Variants in MTMR8 observed in about 807,000 individuals in gnomAD.
MTMR8 encodes the protein phosphatidylinositol-3,5-bisphosphate 3-phosphatase MTMR8.
Under a neutral mutation model 39.3 loss-of-function variants are expected in MTMR8, and 65 were observed. The ratio of observed to expected loss-of-function variants is 1.65; its 90% CI spans 1.35 to 2.03. The LOEUF (loss-of-function observed/expected upper bound fraction) is 2.03. MTMR8 is among the 30% of genes most tolerant of loss of function. The pLI is 0.00. For missense variants in MTMR8, 777 were observed against 538.9 expected (o/e 1.44, Z -4.37); for synonymous variants, 245 against 185.2 (o/e 1.32, Z -2.62).
At chrX:64,329,652 C>T (rs1390500968) in intron 11 of MTMR8, among the ~76,000 whole-genome samples, 1 of 111,006 alleles carries the variant, frequency 9.0e-6, no homozygotes, top group Non-Finnish European at 1.9e-5. Flanking sequence ...AGGTCATTTG[C>T]ACACACACCA....
intron 4 of MTMR8, among the ~76,000 whole-genome samples, chrX:64,352,201 T>A (rs1213211785): frequency 9.0e-6 from 1 of 111,312 alleles, no homozygotes; most frequent in African/African-American, 3.3e-5. Context: ...ATGAGCATCC[T>A]GGCAGACAAC....
At chrX:64,393,238 C>A (rs1924737938) in intron 1 of MTMR8, among the ~76,000 whole-genome samples, 1 of 111,797 alleles carries the variant, frequency 8.9e-6, no homozygotes, top group Admixed American at 9.5e-5. Context: ...TCATCTGTAA[C>A]ATGGGAATAA....
chrX:64,307,788 G>A (rs1414290963), intron 12 of MTMR8, among the ~76,000 whole-genome samples: 1 of 112,190 alleles, frequency 8.9e-6, no homozygotes, highest in Non-Finnish European at 1.9e-5. Context: ...AATTTGGGAA[G>A]GGCTGACATT....
At chrX:64,352,500 C>A (rs1923511224) in intron 4 of MTMR8, among the ~76,000 whole-genome samples, 1 of 111,496 alleles carries the variant, frequency 9.0e-6, no homozygotes, top group South Asian at 3.8e-4. Context: ...AGAGCTCTTT[C>A]TTGAGATCCA....
At chrX:64,276,329 G>A (rs1602102126) in intron 12 of MTMR8, among the ~76,000 whole-genome samples, 2 of 110,879 alleles carry the variant, frequency 1.8e-5, no homozygotes, top group East Asian at 5.8e-4. Flanking sequence ...TCTAGTTCTA[G>A]ATCTAGATTC....
chrX:64,359,477 A>T lies in MTMR8; in HGVS notation c.75T>A (p.Asn25Lys). 8.3e-7 allele frequency: 1 copy of T among 1,208,110 alleles called. No individual in the cohort carries two copies. Among genetic ancestry groups the T allele is most frequent in the Non-Finnish European group, 1.1e-6 (1 of 893,035 alleles). The change falls in exon 2 of 14, where the codon AAT (asparagine) becomes AAA (lysine). Residue 25 changes from asparagine (N) to lysine (K), a missense_variant. Coordinates refer to ENST00000374852, the MANE Select transcript of MTMR8 (RefSeq NM_017677.4). ...GGGTTGCAGTAAGATAAAGAATCCC[A>T]TTAGCTGGTTTCTTACTCACATAAC... ...VDRYVSKKPA[N>K]GILYLTATHL...
At chrX:64,394,363 T>C (rs1924768265) in intron 1 of MTMR8, among the ~76,000 whole-genome samples, 1 of 111,892 alleles carries the variant, frequency 8.9e-6, no homozygotes, top group Admixed American at 9.5e-5. Context: ...AAATAATTTG[T>C]CCAAAGTCAT....
chrX:64,278,658 G>A (rs913973930), intron 12 of MTMR8, among the ~76,000 whole-genome samples: 1 of 108,444 alleles, frequency 9.2e-6, no homozygotes, highest in African/African-American at 3.4e-5. Flanking sequence ...TATTTTAGTA[G>A]AGACGGGGTT....
intron 1 of MTMR8, among the ~76,000 whole-genome samples, chrX:64,367,382 T>C (rs1923998728): frequency 8.9e-6 from 1 of 111,851 alleles, no homozygotes; most frequent in South Asian, 3.7e-4. Context: ...CAAACCGTAT[T>C]CAGCAGCACA....
intron 10 of MTMR8, among the ~76,000 whole-genome samples, chrX:64,332,522 T>G (rs1894134676): frequency 8.9e-6 from 1 of 112,066 alleles, no homozygotes; most frequent in African/African-American, 3.2e-5. Flanking sequence ...GGGTTTAGCT[T>G]TCTCCTTGCA....
chrX:64,288,038 A>AAAAAAAAAAAAAAAAAAAAAAAC (rs1569210594), intron 12 of MTMR8, among the ~76,000 whole-genome samples: 2 of 80,854 alleles, frequency 2.5e-5, no homozygotes, highest in Non-Finnish European at 4.8e-5. Context: ...AAAAAAAAAA[A>AAAAAAAAAAAAAAAAAAAAAAAC]AAAAAAAAAA....
intron 1 of MTMR8, among the ~76,000 whole-genome samples, chrX:64,390,102 T>C (rs1214803996): frequency 2.7e-5 from 3 of 111,659 alleles, no homozygotes; most frequent in African/African-American, 9.8e-5. Context: ...AGGTTGTTTA[T>C]AATAAAAGAC....
Position 64,349,959 on chromosome X carries a change from G to A in MTMR8, c.580C>T (p.Leu194Phe). Residue 194 changes from leucine to phenylalanine, a missense_variant, in exon 5 of 14, where the codon CTC becomes TTC. Physicochemically the swap from Leu to Phe is conservative, Grantham distance 22. Transcript: ENST00000374852. ...SKERVPVLSY[L>F]YKENNAAICR... ...TAACTTACATTGTTCTCTTTGTAGA[G>A]GTAGGAGAGCACAGGGACACGTTCT... 1.7e-6 allele frequency: 2 copies of A among 1,185,591 alleles called. No individual in the cohort carries two copies. Among genetic ancestry groups the A allele is most frequent in the Non-Finnish European group, 2.3e-6 (2 of 881,744 alleles).
intron 12 of MTMR8, among the ~76,000 whole-genome samples, chrX:64,294,064 A>G (rs1921486734): frequency 8.9e-6 from 1 of 111,971 alleles, no homozygotes; most frequent in African/African-American, 3.2e-5. Flanking sequence ...ATCATAGCTT[A>G]TTTAAATAAC....
intron 1 of MTMR8, among the ~76,000 whole-genome samples, 157 bp downstream of exon 1, chrX:64,395,183 T>C (rs779959768): frequency 2.2e-4 from 24 of 110,469 alleles, no homozygotes; most frequent in Non-Finnish European, 4.2e-4. Flanking sequence ...AGGTGTTTGG[T>C]TGAAAGGGGG....
chrX:64,273,063 G>T (rs1416946730), intron 12 of MTMR8, among the ~76,000 whole-genome samples: 1 of 111,066 alleles, frequency 9.0e-6, no homozygotes, highest in Admixed American at 9.6e-5. Flanking sequence ...AGATTGAAAG[G>T]GAAATGAAAA....
intron 12 of MTMR8, among the ~76,000 whole-genome samples, chrX:64,324,474 G>A (rs1922734245): frequency 9.2e-6 from 1 of 108,869 alleles, no homozygotes; most frequent in East Asian, 3.0e-4. Context: ...CTTGAGGCCA[G>A]GAGTTCAAGA....
At chrX:64,334,390 T>A (rs1414465760) in intron 10 of MTMR8, among the ~76,000 whole-genome samples, 1 of 109,582 alleles carries the variant, frequency 9.1e-6, no homozygotes, top group African/African-American at 3.3e-5. Flanking sequence ...TCTGTCTTTT[T>A]TTCAGGCCCT....
intron 1 of MTMR8, among the ~76,000 whole-genome samples, chrX:64,362,616 T>C (rs1923823326): frequency 9.2e-6 from 1 of 109,229 alleles, no homozygotes; most frequent in African/African-American, 3.3e-5. Context: ...AAAGAGTATT[T>C]GCTAGATGTG....
Sources: allele counts gnomAD v4.1 joint callset (sites outside exome capture counted in the v4.1 genomes callset), GRCh38; gene constraint gnomAD v4.1.1; transcripts MANE v1.5; gene names NCBI Gene and HGNC (gene_info 2026-07-23, HGNC 2026-07-21).